F8: variants seen among roughly 807,000 people sequenced by gnomAD.
The protein encoded by F8 is coagulation factor VIII, also known as antihemophilic factor.
A neutral mutation model predicts 140.6 loss-of-function variants in F8; 12 were observed. The ratio of observed to expected loss-of-function variants is 0.09; its 90% CI spans 0.05 to 0.14. The LOEUF (loss-of-function observed/expected upper bound fraction) is 0.14. F8 is among the 10% of genes least tolerant of loss of function. F8 has a pLI of 1.00. For synonymous variants in F8, 585 were observed against 614.6 expected, an observed-to-expected ratio of 0.95 and a Z score of 0.71; for missense variants, 1,354 against 1,720.7, an observed-to-expected ratio of 0.79 and a Z score of 3.77.
At chrX:154,914,374 T>G (rs1372197521) in intron 14 of F8, among the ~76,000 whole-genome samples, 1 of 113,046 alleles carries the variant, frequency 8.8e-6, no homozygotes, top group African/African-American at 3.2e-5. Flanking sequence ...TTGTTAATTA[T>G]ATAAATTTCT....
intron 11 of F8, among the ~76,000 whole-genome samples, chrX:154,955,453 G>A (rs900087254): frequency 1.7e-4 from 18 of 107,449 alleles, no homozygotes; most frequent in Non-Finnish European, 3.1e-4. Flanking sequence ...GCCACCGCAC[G>A]TAGCCTATTA....
chrX:154,898,504 G>A (rs1432537924), intron 21 of F8, among the ~76,000 whole-genome samples: 3 of 112,189 alleles, frequency 2.7e-5, no homozygotes, highest in African/African-American at 9.7e-5. Flanking sequence ...ACGATTACCA[G>A]TTAGGGTTCT....
At chrX:154,958,885 G>A (rs983471420) in intron 10 of F8, among the ~76,000 whole-genome samples, 6 of 111,360 alleles carry the variant, frequency 5.4e-5, no homozygotes, top group Non-Finnish European at 1.1e-4. Context: ...CAAAGTGCTG[G>A]GATTACAGGC....
intron 25 of F8, among the ~76,000 whole-genome samples, chrX:154,839,570 G>A (rs2072503848): frequency 9.1e-6 from 1 of 110,163 alleles, no homozygotes; most frequent in South Asian, 3.9e-4. Context: ...CACTGTGTTA[G>A]CCAGGATGGT....
At chrX:155,021,993 A>C (rs2073762312) in intron 1 of F8, among the ~76,000 whole-genome samples, 1 of 111,924 alleles carries the variant, frequency 8.9e-6, no homozygotes, top group Non-Finnish European at 1.9e-5. Flanking sequence ...ATATTATAAA[A>C]ACACACATTG....
intron 25 of F8, among the ~76,000 whole-genome samples, chrX:154,850,441 CTT>C (rs1159681314): frequency 2.0e-5 from 2 of 99,977 alleles, no homozygotes; most frequent in African/African-American, 7.1e-5. Flanking sequence ...AGGCTTGGTT[CTT>C]TTTTTTTTTC....
At chrX:154,933,804 A>G (rs782112115) in intron 13 of F8, among the ~76,000 whole-genome samples, 20 of 112,438 alleles carry the variant, frequency 1.8e-4, no homozygotes, top group African/African-American at 6.4e-4. Context: ...TAAAACCACA[A>G]AGACATAGCT....
intron 6 of F8, among the ~76,000 whole-genome samples, chrX:154,982,431 GC>G (rs2073532181): frequency 1.3e-5 from 1 of 77,303 alleles, no homozygotes; most frequent in Non-Finnish European, 2.3e-5. Flanking sequence ...CTGGGCGACA[GC>G]AAGACTCCGT....
At chrX:154,877,531 C>G (rs1192934005) in intron 22 of F8, among the ~76,000 whole-genome samples, 1 of 110,914 alleles carries the variant, frequency 9.0e-6, no homozygotes, top group Non-Finnish European at 1.9e-5. Context: ...CTCACTCTGT[C>G]GCCCAGGCTG....
In F8 at chrX:154,837,446, A is replaced by G. The variant is rs964460246; in HGVS notation, c.*151T>C. 1.6e-6 allele frequency: 1 copy of G among 625,289 alleles called. No individual in the cohort carries two copies. 51.5% of individuals were successfully genotyped at this position (625,289 alleles called of 1,213,427 possible). ...CACCCTCCTGGCCCCCCACCAAAGA[A>G]ATGCAGGACTGATGATAGTTAATTC... On this transcript the variant is annotated 3_prime_UTR_variant, in exon 26 of 26. Coordinates refer to ENST00000360256, the MANE Select transcript of F8 (RefSeq NM_000132.4).
At chrX:155,014,903 T>G (rs2073726748) in intron 1 of F8, among the ~76,000 whole-genome samples, 1 of 112,400 alleles carries the variant, frequency 8.9e-6, no homozygotes, top group African/African-American at 3.2e-5. Flanking sequence ...AGTTGGCTAT[T>G]TGGTGGAGTT....
At chrX:154,849,657 T>C (rs2072598696) in intron 25 of F8, among the ~76,000 whole-genome samples, 1 of 111,234 alleles carries the variant, frequency 9.0e-6, no homozygotes, top group African/African-American at 3.3e-5. Context: ...CCATTCATAT[T>C]ACATATGATT....
intron 14 of F8, among the ~76,000 whole-genome samples, chrX:154,922,553 CATTGAAAAAAA>C (rs2073137914): frequency 9.0e-6 from 1 of 111,179 alleles, no homozygotes; most frequent in Non-Finnish European, 1.9e-5. Flanking sequence ...CTGTTAAGTG[CATTGAAAAAAA>C]ATGGTGGGAG....
At chrX:154,844,198 G>C (rs1455997699) in intron 25 of F8, among the ~76,000 whole-genome samples, 2 of 111,929 alleles carry the variant, frequency 1.8e-5, no homozygotes, top group South Asian at 7.4e-4. Flanking sequence ...CTGTAGCCGT[G>C]TAGTATAGTT....
At chrX:154,844,705 G>A (rs1262369949) in intron 25 of F8, among the ~76,000 whole-genome samples, 1 of 111,789 alleles carries the variant, frequency 8.9e-6, no homozygotes, top group Non-Finnish European at 1.9e-5. Context: ...AGACAATGGT[G>A]TTTTCTAGAT....
chrX:154,971,735 C>A (rs2073457262), intron 6 of F8, among the ~76,000 whole-genome samples: 1 of 111,674 alleles, frequency 9.0e-6, no homozygotes, highest in Admixed American at 9.5e-5. Context: ...ACTATGAGAT[C>A]AAATTTTAAA....
intron 22 of F8, among the ~76,000 whole-genome samples, chrX:154,895,207 C>T (rs781980703): frequency 4.5e-5 from 5 of 112,026 alleles, no homozygotes; most frequent in Admixed American, 9.5e-5. Context: ...AGCTGGAGGA[C>T]AAGGTAACCT....
chrX:154,959,982 T>C (rs1557281491), intron 10 of F8, among the ~76,000 whole-genome samples: 1 of 112,114 alleles, frequency 8.9e-6, no homozygotes, highest in African/African-American at 3.2e-5. Flanking sequence ...TCAAGTTTAG[T>C]TTTGTAAAAG....
intron 22 of F8, among the ~76,000 whole-genome samples, chrX:154,881,881 A>G (rs2148577208): frequency 9.0e-6 from 1 of 111,680 alleles, no homozygotes; most frequent in Non-Finnish European, 1.9e-5. Flanking sequence ...TCCAGATCGG[A>G]AAGGAACAAG....
Sources: allele counts gnomAD v4.1 joint callset (sites outside exome capture counted in the v4.1 genomes callset), GRCh38; gene constraint gnomAD v4.1.1; transcripts MANE v1.5; gene names NCBI Gene and HGNC (gene_info 2026-07-23, HGNC 2026-07-21).